The following FRAT1 variants were observed in gnomAD, a reference collection of about 807,000 sequenced individuals.
The protein encoded by FRAT1 is FRAT regulator of Wnt signaling pathway 1.
In FRAT1, 9 loss-of-function variants were observed where a neutral mutation model predicts 16.9. That is an observed-to-expected ratio of 0.53 (90% CI 0.32 to 0.93). The LOEUF (loss-of-function observed/expected upper bound fraction) is 0.93, where lower values mean the gene tolerates loss of function less well. FRAT1 is among the 40% of genes least tolerant of loss of function. FRAT1 has a pLI of 0.04. For missense variants in FRAT1, 354 were observed against 402.8 expected (o/e 0.88, Z 1.04); for synonymous variants, 191 against 202.1 (o/e 0.95, Z 0.46).
rs1843443205 is a variant in FRAT1, at chr10:97,319,867, C to T, written c.414C>T (p.Ser138=). ...YCVAELATGP[S]ALSPLPPQAD... ...TGGCCGAGCTCGCCACAGGCCCCAG[C>T]GCGCTGTCCCCACTGCCCCCTCAGG... The change falls in exon 1 of 1, where the codon AGC becomes AGT. Residue 138 remains serine (S), a synonymous_variant. Coordinates refer to ENST00000371021, the MANE Select transcript of FRAT1 (RefSeq NM_005479.4). 1 of 1,517,300 alleles carries T rather than the reference C, an allele frequency of 6.6e-7. No homozygotes were observed. 94.0% of individuals were successfully genotyped at this position (1,517,300 alleles called of 1,614,324 possible).
chr10:97,319,716 C>T lies in FRAT1; in HGVS notation c.263C>T (p.Ser88Phe). The T allele has an allele frequency of 3.4e-6, 4 of 1,183,966 alleles. No individual in the cohort carries two copies. The highest frequency in any genetic ancestry group is 4.2e-6 in the Non-Finnish European group (4 of 958,652). The allele number at this position is 1,183,966 out of a possible 1,614,324, so 73.3% of individuals were successfully genotyped here. A position where few individuals can be genotyped will look rare whatever the true frequency, so the allele number is the denominator to read the frequency against. Residue 88 changes from serine to phenylalanine, a missense_variant, in exon 1 of 1, where the codon TCC becomes TTC. By Grantham distance (155) the Ser-to-Phe change is radical (BLOSUM62 -2). This residue lies in a region of FRAT1 where 286 missense variants were observed against 311.0 expected (regional missense o/e 0.92). Transcript: ENST00000371021. ...GCGGTGCCGGCGGACAAGGCCAGGT[C>T]CCCGGCGGTGCCGCTGCTGCTGCCG... ...AAAVPADKAR[S>F]PAVPLLLPPA...
chr10:97,320,389 T>G lies in FRAT1; in HGVS notation c.*96T>G. 8.4e-7 allele frequency: 1 copy of G among 1,196,242 alleles called. No individual in the cohort carries two copies. Among genetic ancestry groups the G allele is most frequent in the African/African-American group, 1.6e-5 (1 of 64,060 alleles). 74.1% of individuals were successfully genotyped at this position (1,196,242 alleles called of 1,614,324 possible). On this transcript the variant is annotated 3_prime_UTR_variant, in exon 1 of 1. Coordinates refer to ENST00000371021, the MANE Select transcript of FRAT1 (RefSeq NM_005479.4). ...ACTCAGGCTGGTGGAGAACTCTGGC[T>G]TTTGGAAGCGAGAGTAAAAAGCTAA...
In FRAT1 at chr10:97,319,350, C is replaced by CTTAG; in HGVS notation, c.-102_-99dup. ...GCGTCCGCCCCGGCCCCGGTCCAGA[C>CTTAG]TTAGTCTTCAGCTCCGCGCCCGCTC... On this transcript the variant is annotated 5_prime_UTR_variant, in exon 1 of 1. Coordinates refer to ENST00000371021, the MANE Select transcript of FRAT1 (RefSeq NM_005479.4). 1 of 1,250,348 alleles carries CTTAG rather than the reference C, an allele frequency of 8.0e-7. No homozygotes were observed. The highest frequency in any genetic ancestry group is 2.8e-5 in the South Asian group (1 of 35,106). The allele number at this position is 1,250,348 out of a possible 1,614,324, so 77.5% of individuals were successfully genotyped here.
Position 97,320,262 on chromosome 10 carries a change from C to T in FRAT1, c.809C>T (p.Thr270Ile), listed in dbSNP as rs1354245411. ...GCCTCCGGGAGGGCGCAGCTCAGAACTGGCGACGGCGTTCTTGTGCCTGGC... is the reference window on the plus strand; with the variant it reads ...GCCTCCGGGAGGGCGCAGCTCAGAATTGGCGACGGCGTTCTTGTGCCTGGC... ...PGASGRAQLR[T>I]GDGVLVPGS Residue 270 changes from threonine (T) to isoleucine (I), a missense_variant, in exon 1 of 1, where the codon ACT (threonine) becomes ATT (isoleucine). Around this residue, in one of 3 missense-constraint regions of FRAT1, gnomAD observed 286 missense variants for 311.0 expected, o/e 0.92. Transcript: ENST00000371021. The T allele has an allele frequency of 5.0e-6, 8 of 1,591,714 alleles. No individual in the cohort carries two copies. The highest frequency in any genetic ancestry group is 1.7e-4 in the Middle Eastern group (1 of 5,864).
In FRAT1 at chr10:97,319,525, C is replaced by T; in HGVS notation, c.72C>T (p.Ser24=). The T allele has an allele frequency of 1.4e-5, 21 of 1,478,696 alleles. No homozygotes were observed. Among genetic ancestry groups the T allele is most frequent in the Non-Finnish European group, 1.9e-5 (21 of 1,117,996 alleles). The allele number at this position is 1,478,696 out of a possible 1,614,324, so 91.6% of individuals were successfully genotyped here. A position where few individuals can be genotyped will look rare whatever the true frequency, so the allele number is the denominator to read the frequency against. ...AGGGGGAGGAAGAGGAGGAGGACAG[C>T]TTCCTCCTACTGCAGCAGTCAGTGG... ...EAEGEEEEED[S]FLLLQQSVAL... The change falls in exon 1 of 1, where the codon AGC becomes AGT. Residue 24 remains serine, a synonymous_variant. Coordinates refer to ENST00000371021, the MANE Select transcript of FRAT1 (RefSeq NM_005479.4).
At position 97,319,899 on chromosome 10, in the gene FRAT1, T is replaced by C; in HGVS notation, c.446T>C (p.Leu149Pro). ...TCCCCACTGCCCCCTCAGGCCGACC[T>C]TGATGGGCCTCCGGGAGCTGGCAAG... ...ALSPLPPQAD[L>P]DGPPGAGKQG... Residue 149 changes from leucine to proline, a missense_variant, in exon 1 of 1, where the codon CTT becomes CCT. This residue lies in a region of FRAT1 where 286 missense variants were observed against 311.0 expected (regional missense o/e 0.92). Coordinates refer to ENST00000371021, the MANE Select transcript of FRAT1 (RefSeq NM_005479.4). The C allele has an allele frequency of 2.0e-6, 3 of 1,529,968 alleles. No homozygotes were observed. Among genetic ancestry groups the C allele is most frequent in the Non-Finnish European group, 2.6e-6 (3 of 1,144,670 alleles). The allele number at this position is 1,529,968 out of a possible 1,614,324, so 94.8% of individuals were successfully genotyped here. A position where few individuals can be genotyped will look rare whatever the true frequency, so the allele number is the denominator to read the frequency against.
Position 97,320,199 on chromosome 10 carries a change from CGCCTCGCAGCCCTCGCGCG to C in FRAT1, c.751_769del (p.Arg251AlafsTer64), listed in dbSNP as rs772104085. 1 of 1,610,554 alleles carries C rather than the reference CGCCTCGCAGCCCTCGCGCG, an allele frequency of 6.2e-7. No homozygotes were observed. Among genetic ancestry groups the C allele is most frequent in the South Asian group, 1.1e-5 (1 of 90,392 alleles). On this transcript the variant is annotated frameshift_variant, in exon 1 of 1. Coordinates refer to ENST00000371021, the MANE Select transcript of FRAT1 (RefSeq NM_005479.4). LOFTEE classifies it high-confidence loss of function. Reference sequence around the variant, plus strand: ...TCGGCCCCGGTGCATGAACCCCCTTCGCCTCGCAGCCCTCGCGCGGCCTGCAGTGACCCTGGCGCCTCCG... The same window carrying C: ...TCGGCCCCGGTGCATGAACCCCCTTCGCCTGCAGTGACCCTGGCGCCTCCG...
In FRAT1 at chr10:97,320,445, C is replaced by A; in HGVS notation, c.*152C>A. On this transcript the variant is annotated 3_prime_UTR_variant, in exon 1 of 1. Transcript: ENST00000371021. ...AGGAACCGAAAAATCGCGAGTGTTT[C>A]GCGGGTAACTGGGGTTGAGGGCCAA... is the stretch of plus-strand genomic sequence containing the variant. 1.2e-6 allele frequency: 1 copy of A among 838,318 alleles called. No homozygotes were observed. Among genetic ancestry groups the A allele is most frequent in the Non-Finnish European group, 1.8e-6 (1 of 554,688 alleles). The allele number at this position is 838,318 out of a possible 1,614,324, so 51.9% of individuals were successfully genotyped here.
Position 97,319,740 on chromosome 10 carries a change from C to T in FRAT1, c.287C>T (p.Pro96Leu). The T allele has an allele frequency of 8.3e-7, 1 of 1,202,924 alleles. No homozygotes were observed. The allele number at this position is 1,202,924 out of a possible 1,614,324, so 74.5% of individuals were successfully genotyped here. Reference protein sequence around the residue: ...ARSPAVPLLLPPALAETVGPA... With the variant: ...ARSPAVPLLLLPALAETVGPA... ...TCCCCGGCGGTGCCGCTGCTGCTGC[C>T]GCCCGCGTTGGCGGAGACTGTGGGC... The change falls in exon 1 of 1, where the codon CCG becomes CTG. Residue 96 changes from proline to leucine, a missense_variant. Pro to Leu is a moderately conservative substitution (Grantham distance 98, BLOSUM62 -3). This residue lies in a region of FRAT1 where 286 missense variants were observed against 311.0 expected (regional missense o/e 0.92). Coordinates refer to ENST00000371021, the MANE Select transcript of FRAT1 (RefSeq NM_005479.4).
At position 97,319,669 on chromosome 10, in the gene FRAT1, G is replaced by A. The variant is rs961969391; in HGVS notation, c.216G>A (p.Arg72=). The A allele has an allele frequency of 1.8e-5, 21 of 1,186,142 alleles. No homozygotes were observed. The highest frequency in any genetic ancestry group is 6.7e-4 in the Middle Eastern group (2 of 2,990). The allele number at this position is 1,186,142 out of a possible 1,614,324, so 73.5% of individuals were successfully genotyped here. Residue 72 remains arginine, a synonymous_variant, in exon 1 of 1, where the codon CGG becomes CGA. Transcript: ENST00000371021. The part of the protein sequence containing the change: ...SPCGPPGAPL[R]APGPLAAAVP... Reference sequence around the variant, plus strand: ...GCGGGCCCCCGGGGGCGCCGCTGCGGGCCCCGGGGCCCCTGGCTGCGGCGG... The same window carrying A: ...GCGGGCCCCCGGGGGCGCCGCTGCGAGCCCCGGGGCCCCTGGCTGCGGCGG...
chr10:97,320,245 G>T lies in FRAT1; in HGVS notation c.792G>T (p.Gly264=), dbSNP rs371716109. ...RAACSDPGAS[G]RAQLRTGDGV... is the part of the protein sequence containing the mutation. ...CCTGCAGTGACCCTGGCGCCTCCGG[G>T]AGGGCGCAGCTCAGAACTGGCGACG... Residue 264 remains glycine, a synonymous_variant, in exon 1 of 1, where the codon GGG becomes GGT. Transcript: ENST00000371021. The T allele has an allele frequency of 3.6e-5, 58 of 1,603,212 alleles. No individual in the cohort carries two copies. The Admixed American group carries it at 3.9e-4, about 11-fold the overall frequency.
Position 97,319,331 on chromosome 10 carries a change from G to T in FRAT1, c.-123G>T. On this transcript the variant is annotated 5_prime_UTR_variant, in exon 1 of 1. Transcript: ENST00000371021. Reference sequence around the variant, plus strand: ...CTGGCGGGCTCCGGCTTCCGCGTCCGCCCCGGCCCCGGTCCAGACTTAGTC... The same window carrying T: ...CTGGCGGGCTCCGGCTTCCGCGTCCTCCCCGGCCCCGGTCCAGACTTAGTC... 8.3e-7 allele frequency: 1 copy of T among 1,205,504 alleles called. No homozygotes were observed. Among genetic ancestry groups the T allele is most frequent in the Non-Finnish European group, 1.0e-6 (1 of 963,650 alleles). 74.7% of individuals were successfully genotyped at this position (1,205,504 alleles called of 1,614,324 possible).
In FRAT1 at chr10:97,319,474, G is replaced by A. The variant is rs1452503674; in HGVS notation, c.21G>A (p.Glu7=). ...GGGCCATGCCGTGCCGGAGGGAGGA[G>A]GAAGAGGAAGCCGGCGAGGAGGCGG... The part of the protein sequence containing the change: MPCRRE[E]EEEAGEEAEG... Residue 7 remains glutamate (E), a synonymous_variant, in exon 1 of 1, where the codon GAG becomes GAA. Coordinates refer to ENST00000371021, the MANE Select transcript of FRAT1 (RefSeq NM_005479.4). 5 of 1,453,658 alleles carry A rather than the reference G, an allele frequency of 3.4e-6. No homozygotes were observed. The highest frequency in any genetic ancestry group is 4.5e-6 in the Non-Finnish European group (5 of 1,103,422). The allele number at this position is 1,453,658 out of a possible 1,614,324, so 90.0% of individuals were successfully genotyped here.
At position 97,319,395 on chromosome 10, in the gene FRAT1, C is replaced by A. The variant is rs994780998; in HGVS notation, c.-59C>A. On this transcript the variant is annotated 5_prime_UTR_variant, in exon 1 of 1. Coordinates refer to ENST00000371021, the MANE Select transcript of FRAT1 (RefSeq NM_005479.4). ...CCGCTCCGCCGCGGCCCACCGCGCC[C>A]GCCGGCAGCCGAGCCCCCAGCGACG... 3.9e-6 allele frequency: 5 copies of A among 1,279,926 alleles called. No individual in the cohort carries two copies. The highest frequency in any genetic ancestry group is 1.6e-5 in the African/African-American group (1 of 64,290). 79.3% of individuals were successfully genotyped at this position (1,279,926 alleles called of 1,614,324 possible).
rs1213851785 is a variant in FRAT1 at position 97,319,529 on chromosome 10, C to T, written c.76C>T (p.Leu26Phe). 1.1e-5 allele frequency: 17 copies of T among 1,478,726 alleles called. No individual in the cohort carries two copies. The East Asian group carries it at 5.0e-4, about 43-fold the overall frequency. 91.6% of individuals were successfully genotyped at this position (1,478,726 alleles called of 1,614,324 possible). Residue 26 changes from leucine (L) to phenylalanine (F), a missense_variant, in exon 1 of 1, where the codon CTC becomes TTC. Coordinates refer to ENST00000371021, the MANE Select transcript of FRAT1 (RefSeq NM_005479.4). ...EGEEEEEDSF[L>F]LLQQSVALGS... Reference sequence around the variant, plus strand: ...GGAGGAAGAGGAGGAGGACAGCTTCCTCCTACTGCAGCAGTCAGTGGCGCT... The same window carrying T: ...GGAGGAAGAGGAGGAGGACAGCTTCTTCCTACTGCAGCAGTCAGTGGCGCT...
Position 97,319,990 on chromosome 10 carries a change from C to A in FRAT1, c.537C>A (p.Ser179=), listed in dbSNP as rs1205825029. 6.5e-7 allele frequency: 1 copy of A among 1,548,842 alleles called. No individual in the cohort carries two copies. Among genetic ancestry groups the A allele is most frequent in the Admixed American group, 2.0e-5 (1 of 51,226 alleles). Reference sequence around the variant, plus strand: ...GATGGCTCCGGGGCGCCGCCGCCTCCCGCCGCCTGCAGCAGCGACGCGGGT... The same window carrying A: ...GATGGCTCCGGGGCGCCGCCGCCTCACGCCGCCTGCAGCAGCGACGCGGGT... ...RRGWLRGAAA[S]RRLQQRRGSQ... is the part of the protein sequence containing the mutation. The change falls in exon 1 of 1, where the codon TCC becomes TCA. Residue 179 remains serine, a synonymous_variant. Coordinates refer to ENST00000371021, the MANE Select transcript of FRAT1 (RefSeq NM_005479.4).
Position 97,320,496 on chromosome 10 carries a change from C to T in FRAT1, c.*203C>T, listed in dbSNP as rs1843451632. ...AATATTTGGAATGAAGGACTTTGGCCCTATTTAAGGCAGATTTTACAGAGC... is the reference window on the plus strand; with the variant it reads ...AATATTTGGAATGAAGGACTTTGGCTCTATTTAAGGCAGATTTTACAGAGC... On this transcript the variant is annotated 3_prime_UTR_variant, in exon 1 of 1. Transcript: ENST00000371021. The T allele has an allele frequency of 3.4e-6, 2 of 590,082 alleles. No homozygotes were observed. Among genetic ancestry groups the T allele is most frequent in the South Asian group, 5.0e-5 (2 of 40,336 alleles). The allele number at this position is 590,082 out of a possible 1,614,324, so 36.6% of individuals were successfully genotyped here.
At position 97,319,760 on chromosome 10, in the gene FRAT1, G is replaced by T; in HGVS notation, c.307G>T (p.Val103Leu). 2 of 1,232,890 alleles carry T rather than the reference G, an allele frequency of 1.6e-6. No homozygotes were observed. Among genetic ancestry groups the T allele is most frequent in the African/African-American group, 1.6e-5 (1 of 63,524 alleles). The allele number at this position is 1,232,890 out of a possible 1,614,324, so 76.4% of individuals were successfully genotyped here. A position where few individuals can be genotyped will look rare whatever the true frequency, so the allele number is the denominator to read the frequency against. ...LLLPPALAET[V>L]GPAPPGVLRC... ...GCTGCCGCCCGCGTTGGCGGAGACT[G>T]TGGGCCCGGCGCCCCCTGGGGTCCT... Residue 103 changes from valine (V) to leucine (L), a missense_variant, in exon 1 of 1, where the codon GTG becomes TTG. Around this residue, in one of 3 missense-constraint regions of FRAT1, gnomAD observed 286 missense variants for 311.0 expected, o/e 0.92. Coordinates refer to ENST00000371021, the MANE Select transcript of FRAT1 (RefSeq NM_005479.4).
Position 97,319,671 on chromosome 10 carries a change from C to T in FRAT1, c.218C>T (p.Ala73Val). 1 of 1,186,118 alleles carries T rather than the reference C, an allele frequency of 8.4e-7. No homozygotes were observed. The highest frequency in any genetic ancestry group is 1.0e-6 in the Non-Finnish European group (1 of 960,026). The allele number at this position is 1,186,118 out of a possible 1,614,324, so 73.5% of individuals were successfully genotyped here. ...PCGPPGAPLR[A>V]PGPLAAAVPA... ...GGGCCCCCGGGGGCGCCGCTGCGGGCCCCGGGGCCCCTGGCTGCGGCGGTG... is the reference window on the plus strand; with the variant it reads ...GGGCCCCCGGGGGCGCCGCTGCGGGTCCCGGGGCCCCTGGCTGCGGCGGTG... Residue 73 changes from alanine to valine, a missense_variant, in exon 1 of 1, where the codon GCC (alanine) becomes GTC (valine). By Grantham distance (64) the Ala-to-Val change is moderately conservative. This residue lies in a region of FRAT1 where 286 missense variants were observed against 311.0 expected (regional missense o/e 0.92). Transcript: ENST00000371021.
Sources: allele counts gnomAD v4.1 joint callset, GRCh38; gene constraint gnomAD v4.1.1; regional missense constraint gnomAD v4.1.1; transcripts MANE v1.5; gene names NCBI Gene and HGNC (gene_info 2026-07-23, HGNC 2026-07-21).